EPB41L5: variants seen among roughly 807,000 people sequenced by gnomAD.
EPB41L5 encodes band 4.1-like protein 5.
In EPB41L5, 55 loss-of-function variants were observed where a neutral mutation model predicts 106.6. The ratio of observed to expected loss-of-function variants is 0.52; its 90% confidence interval spans 0.42 to 0.65. The LOEUF is 0.65. Among genes scored for constraint, EPB41L5 ranks in the 30% least tolerant of loss-of-function variants. The pLI is 0.00. For missense variants in EPB41L5, 871 were observed against 882.1 expected (o/e 0.99, Z 0.16); for synonymous variants, 297 against 306.7 (o/e 0.97, Z 0.33).
intron 10 of EPB41L5, among the ~76,000 whole-genome samples, chr2:120,079,874 C>T (rs1368967663): frequency 2.0e-5 from 3 of 152,112 alleles, no homozygotes; most frequent in Non-Finnish European, 4.4e-5. Context: ...CTTCCCTTTC[C>T]TGTGTTCTCA....
At chr2:120,071,548 C>T (rs1170276650) in intron 3 of EPB41L5, among the ~76,000 whole-genome samples, 1 of 152,148 alleles carries the variant, frequency 6.6e-6, no homozygotes, top group African/African-American at 2.4e-5. Context: ...GCTACAGTAA[C>T]CAAAACAACA....
intron 18 of EPB41L5, among the ~76,000 whole-genome samples, chr2:120,140,460 TAAGAA>T (rs938138871): frequency 3.3e-5 from 5 of 151,948 alleles, no homozygotes; most frequent in African/African-American, 1.2e-4. Flanking sequence ...AAAGATTTTT[TAAGAA>T]AAGAAGGAAG....
chr2:120,035,669 A>AC (rs977117911), intron 2 of EPB41L5, among the ~76,000 whole-genome samples: 11 of 151,674 alleles, frequency 7.3e-5, no homozygotes, highest in Non-Finnish European at 2.9e-5. Context: ...ACATGGTGAG[A>AC]CCCCCATCTC....
chr2:120,063,340 CAAAAAAA>C (rs1174086865), intron 3 of EPB41L5, among the ~76,000 whole-genome samples: 6 of 56,070 alleles, frequency 1.1e-4, no homozygotes, highest in East Asian at 5.5e-4. Context: ...GACTTTGTCT[CAAAAAAA>C]AAAAAAAAAA....
rs57441412 is a variant in EPB41L5 at position 120,149,426 on chromosome 2, A to G, written c.1793+3137A>G. ...CCTAACCCTGAGGAAGTACTTTTCT[A>G]CTTTCTGTCTCTATAGATTTACCTA... On this transcript the variant is annotated intron_variant, in intron 20 of 24. Coordinates refer to ENST00000263713, the MANE Select transcript of EPB41L5 (RefSeq NM_020909.4). Among the ~76,000 whole-genome samples, 799 of 152,240 alleles carry G rather than the reference A, an allele frequency of 5.2e-3. 4 individuals are homozygous for G. Among genetic ancestry groups the G allele is most frequent in the African/African-American group, 0.019 (769 of 41,542 alleles).
At chr2:120,056,121 C>T (rs984650339) in intron 3 of EPB41L5, among the ~76,000 whole-genome samples, 9 of 151,778 alleles carry the variant, frequency 5.9e-5, no homozygotes, top group Non-Finnish European at 1.0e-4. Context: ...ATTCCTAGTT[C>T]GTTGATGCTT....
chr2:120,073,069 T>C (rs1681986412), intron 3 of EPB41L5, 109 bp from the exon 4 acceptor site: 4 of 921,760 alleles, frequency 4.3e-6, no homozygotes, highest in Non-Finnish European at 6.7e-6. Context: ...TTGTGAAGTA[T>C]TTCCTTGCGG....
intron 7 of EPB41L5, among the ~76,000 whole-genome samples, 191 bp downstream of exon 7, chr2:120,075,944 T>G: frequency 6.6e-6 from 1 of 152,212 alleles, no homozygotes; most frequent in East Asian, 1.9e-4. Context: ...TTCATGTAAT[T>G]GCGCCCTTTC....
intron 18 of EPB41L5, among the ~76,000 whole-genome samples, chr2:120,132,728 G>A (rs928533109): frequency 6.6e-6 from 1 of 152,078 alleles, no homozygotes; most frequent in Non-Finnish European, 1.5e-5. Context: ...ATATATCTCT[G>A]TAAAGTAGGG....
rs1683414375 is a variant in EPB41L5, at chr2:120,091,566, A to C, written c.1055A>C (p.Glu352Ala). ...TATGCCTCATTTAGTGGGAAAACAG[A>C]GTATCAGACCACAAAAACCAATAAA... ...GSRFRYSGKT[E>A]YQTTKTNKAR... Residue 352 changes from glutamate (E) to alanine (A), a missense_variant, in exon 13 of 25, where the codon GAG (glutamate) becomes GCG (alanine). Glu to Ala is a moderately radical substitution (Grantham distance 107, BLOSUM62 -1). Transcript: ENST00000263713. The C allele has an allele frequency of 6.2e-7, 1 of 1,613,318 alleles. No homozygotes were observed. Among genetic ancestry groups the C allele is most frequent in the Non-Finnish European group, 8.5e-7 (1 of 1,179,580 alleles).
chr2:120,104,368 A>C (rs1202790185), intron 16 of EPB41L5: 21 of 1,398,788 alleles, frequency 1.5e-5, no homozygotes, highest in Middle Eastern at 3.9e-4. Flanking sequence ...CTAGTTGTTC[A>C]GTGCTGTTTG....
At chr2:120,039,845 A>AAAG (rs1420217132) in intron 2 of EPB41L5, among the ~76,000 whole-genome samples, 2 of 151,404 alleles carry the variant, frequency 1.3e-5, no homozygotes, top group African/African-American at 4.9e-5. Flanking sequence ...AAAAAAAAAA[A>AAAG]AAGAAGAAAG....
intron 2 of EPB41L5, among the ~76,000 whole-genome samples, chr2:120,024,270 A>G (rs1189153880): frequency 6.6e-6 from 1 of 152,166 alleles, no homozygotes; most frequent in Non-Finnish European, 1.5e-5. Flanking sequence ...TTCAAAGGGA[A>G]TGCTTCCAGT....
intron 2 of EPB41L5, among the ~76,000 whole-genome samples, chr2:120,031,278 C>T (rs940007803): frequency 1.3e-5 from 2 of 152,218 alleles, no homozygotes; most frequent in Non-Finnish European, 1.5e-5. Flanking sequence ...ATTACTCTTT[C>T]TCCATTGCAA....
chr2:120,044,708 A>T (rs888575376), intron 3 of EPB41L5, among the ~76,000 whole-genome samples: 12 of 152,260 alleles, frequency 7.9e-5, no homozygotes, highest in African/African-American at 2.6e-4. Context: ...TTTGATACAC[A>T]TATAGTGCCT....
At chr2:120,129,895 C>T (rs1473918568) in intron 17 of EPB41L5, among the ~76,000 whole-genome samples, 1 of 152,156 alleles carries the variant, frequency 6.6e-6, no homozygotes, top group Non-Finnish European at 1.5e-5. Context: ...CCTGTAATCC[C>T]AGCACTTCGG....
intron 3 of EPB41L5, among the ~76,000 whole-genome samples, chr2:120,067,845 G>A (rs1253404035): frequency 6.6e-6 from 1 of 152,054 alleles, no homozygotes; most frequent in Non-Finnish European, 1.5e-5. Context: ...CTGGAATATG[G>A]GGATACTTTT....
intron 2 of EPB41L5, among the ~76,000 whole-genome samples, chr2:120,040,935 G>T (rs1679365715): frequency 6.6e-6 from 1 of 152,048 alleles, no homozygotes; most frequent in Admixed American, 6.6e-5. Flanking sequence ...TCACAATTTA[G>T]AATTCTACAG....
chr2:120,068,397 C>T (rs943237400), intron 3 of EPB41L5, among the ~76,000 whole-genome samples: 4 of 152,200 alleles, frequency 2.6e-5, no homozygotes, highest in African/African-American at 9.6e-5. Flanking sequence ...CCCAGGGGGC[C>T]AAGTGGTCTA....
Sources: allele counts gnomAD v4.1 joint callset (sites outside exome capture counted in the v4.1 genomes callset), GRCh38; gene constraint gnomAD v4.1.1; transcripts MANE v1.5; gene names NCBI Gene and HGNC (gene_info 2026-07-23, HGNC 2026-07-21).